The following SVIL variants were observed in gnomAD, a reference collection of about 807,000 sequenced individuals.
SVIL encodes the protein archvillin.
SVIL carries 101 observed loss-of-function variants against 240.4 expected under a neutral mutation model. The observed-to-expected ratio is 0.42, with a 90% confidence interval of 0.36 to 0.50. The LOEUF (loss-of-function observed/expected upper bound fraction) is 0.50, where lower values mean the gene tolerates loss of function less well. Ranked by LOEUF, SVIL falls within the 20% of genes least tolerant of loss-of-function variation. The pLI is 0.01. For synonymous variants in SVIL, 999 were observed against 1,100.0 expected, an observed-to-expected ratio of 0.91 and a Z score of 1.82; for missense variants, 2,512 against 2,818.7, an observed-to-expected ratio of 0.89 and a Z score of 2.46.
chr10:29,715,352 T>C (rs1010272456), intron 1 of SVIL, among the ~76,000 whole-genome samples: 26 of 152,218 alleles, frequency 1.7e-4, no homozygotes, highest in African/African-American at 5.8e-4. Context: ...TTGAAAACCT[T>C]CCTAGCCAAC....
At chr10:29,495,653 A>G (rs1948380935) in intron 18 of SVIL, among the ~76,000 whole-genome samples, 1 of 152,186 alleles carries the variant, frequency 6.6e-6, no homozygotes, top group African/African-American at 2.4e-5. Context: ...ACAGTAACCC[A>G]AGGAGGGCCA....
chr10:29,482,381 G>A (rs1352178130), intron 27 of SVIL, among the ~76,000 whole-genome samples: 2 of 152,064 alleles, frequency 1.3e-5, no homozygotes, highest in Non-Finnish European at 2.9e-5. Flanking sequence ...TGGGGATTTT[G>A]GAAAAGGCAG....
chr10:29,551,832 C>T (rs566252554), intron 5 of SVIL, among the ~76,000 whole-genome samples: 105 of 152,274 alleles, frequency 6.9e-4, no homozygotes, highest in African/African-American at 2.5e-3. Context: ...TAATATGAGC[C>T]TGGCATAGTG....
At chr10:29,673,690 A>G (rs1027346237) in intron 2 of SVIL, among the ~76,000 whole-genome samples, 14 of 152,042 alleles carry the variant, frequency 9.2e-5, no homozygotes, top group African/African-American at 3.4e-4. Context: ...CGAGAACAGC[A>G]TGGGGGAAAC....
At chr10:29,725,270 T>A (rs1444829099) in intron 1 of SVIL, among the ~76,000 whole-genome samples, 1 of 151,956 alleles carries the variant, frequency 6.6e-6, no homozygotes, top group African/African-American at 2.4e-5. Context: ...TCCTCAAGGG[T>A]TCCTTTTGGA....
chr10:29,462,918 C>T (rs1336078192), intron 35 of SVIL, among the ~76,000 whole-genome samples: 1 of 135,506 alleles, frequency 7.4e-6, no homozygotes, highest in African/African-American at 2.7e-5. Flanking sequence ...TCAATGAAAC[C>T]ATAAAAATTA....
intron 3 of SVIL, among the ~76,000 whole-genome samples, chr10:29,556,987 C>T (rs554477411): frequency 3.3e-5 from 5 of 152,294 alleles, no homozygotes; most frequent in African/African-American, 1.2e-4. Flanking sequence ...GACTTGAACC[C>T]ATGCCTCAAA....
chr10:29,724,518 G>T (rs1484502463), intron 1 of SVIL, among the ~76,000 whole-genome samples: 1 of 151,958 alleles, frequency 6.6e-6, no homozygotes, highest in Non-Finnish European at 1.5e-5. Flanking sequence ...CAGGATATAT[G>T]ATGGTGACTA....
intron 32 of SVIL, 111 bp downstream of exon 32, chr10:29,470,165 A>G: frequency 8.1e-7 from 1 of 1,235,174 alleles, no homozygotes; most frequent in Non-Finnish European, 1.2e-6. Context: ...CCTTTGCTGC[A>G]GTCACTTTCA....
At chr10:29,460,539 C>T (rs1944129155) in intron 36 of SVIL, among the ~76,000 whole-genome samples, 1 of 152,150 alleles carries the variant, frequency 6.6e-6, no homozygotes, top group African/African-American at 2.4e-5. Flanking sequence ...AATTAACTCT[C>T]CTAGTCTTGA....
At chr10:29,474,875 G>C (rs1946020504) in intron 29 of SVIL, among the ~76,000 whole-genome samples, 1 of 152,234 alleles carries the variant, frequency 6.6e-6, no homozygotes, top group Non-Finnish European at 1.5e-5. Flanking sequence ...ATAGGTTGCT[G>C]ACATATCACT....
chr10:29,479,942 A>G (rs570633505), intron 29 of SVIL, among the ~76,000 whole-genome samples: 15 of 152,296 alleles, frequency 9.8e-5, no homozygotes, highest in Admixed American at 7.2e-4. Context: ...TTTCCCCAGC[A>G]CCAAGCATCC....
intron 17 of SVIL, 84 bp downstream of exon 17, chr10:29,512,651 A>C: frequency 6.2e-7 from 1 of 1,607,452 alleles, no homozygotes; most frequent in South Asian, 1.1e-5. Context: ...CAGAGTAGGA[A>C]TTAGGTGGCA....
In SVIL at chr10:29,630,784, G is replaced by A. The variant is rs117139752; in HGVS notation, c.-201+3636C>T. On this transcript the variant is annotated intron_variant, in intron 1 of 37. Transcript: ENST00000355867. ...GGAGAACTTATAACACAGAACACCA[G>A]CTTCTACTGTGAGTAATATAGGATG... Among the ~76,000 whole-genome samples, 316 of 152,162 alleles carry A rather than the reference G, an allele frequency of 2.1e-3. 3 individuals are homozygous for A. The East Asian group carries it at 0.021, about 10-fold the overall frequency.
intron 2 of SVIL, among the ~76,000 whole-genome samples, chr10:29,665,618 AC>A (rs1959227096): frequency 6.6e-6 from 1 of 151,960 alleles, no homozygotes; most frequent in African/African-American, 2.4e-5. Context: ...ACAAAATGAA[AC>A]CCCATCTCTA....
chr10:29,553,630 C>T (rs954052165), intron 5 of SVIL, among the ~76,000 whole-genome samples: 2 of 152,102 alleles, frequency 1.3e-5, no homozygotes, highest in African/African-American at 2.4e-5. Context: ...AGCAGCACAG[C>T]TCCTCAGAGC....
At chr10:29,587,894 A>G (rs1956234350) in intron 1 of SVIL, among the ~76,000 whole-genome samples, 1 of 152,160 alleles carries the variant, frequency 6.6e-6, no homozygotes. Flanking sequence ...AAGGAGGCGG[A>G]GTTGTTGGTC....
chr10:29,550,711 G>C lies in SVIL; in HGVS notation c.713C>G (p.Ser238Cys), dbSNP rs146163490. The C allele has an allele frequency of 5.4e-4, 867 of 1,614,140 alleles. 1 individual carries two copies. Among genetic ancestry groups the C allele is most frequent in the Non-Finnish European group, 7.1e-4 (843 of 1,180,012 alleles). The change falls in exon 6 of 38, where the codon TCC becomes TGC. Residue 238 changes from serine (S) to cysteine (C), a missense_variant. Ser to Cys is a moderately radical substitution (Grantham distance 112, BLOSUM62 -1). Transcript: ENST00000355867. Reference protein sequence around the residue: ...STFSFSGRDSSFTEVPRSPKH... With the variant: ...STFSFSGRDSCFTEVPRSPKH... ...GGGGGACCGTGGCACTTCAGTGAAG[G>C]AGGAGTCTCGCCCAGAGAAAGAGAA...
At chr10:29,527,533 T>G (rs1951013512) in intron 12 of SVIL, among the ~76,000 whole-genome samples, 1 of 152,052 alleles carries the variant, frequency 6.6e-6, no homozygotes, top group East Asian at 1.9e-4. Flanking sequence ...GTCAAGTGAT[T>G]CTCCTGCCTC....
Sources: gnomAD v4.1 joint callset for allele counts (sites outside exome capture counted in the v4.1 genomes callset) on GRCh38, gnomAD v4.1.1 for gene constraint, MANE v1.5 for transcripts, NCBI Gene and HGNC (gene_info 2026-07-23, HGNC 2026-07-21) for gene names.